The following GHRL variants were observed in gnomAD, a reference collection of about 807,000 sequenced individuals.
The protein encoded by GHRL is ghrelin and obestatin prepropeptide, also known as appetite-regulating hormone.
A neutral mutation model predicts 16.9 loss-of-function variants in GHRL; 24 were observed. That is an observed-to-expected ratio of 1.42 (90% CI 1.03 to 2.00). The LOEUF (loss-of-function observed/expected upper bound fraction) is 2.00, where lower values mean the gene tolerates loss of function less well. GHRL is among the 30% of genes most tolerant of loss of function. The probability of loss-of-function intolerance (pLI) is 0.00; values close to 1 mark genes in which losing one functional copy is unlikely to be tolerated. For missense variants in GHRL, 193 were observed against 142.1 expected (o/e 1.36, Z -1.82); for synonymous variants, 63 against 58.2 (o/e 1.08, Z -0.37).
chr3:10,288,403 A>G (rs949931598), intron 4 of GHRL, among the ~76,000 whole-genome samples: 3 of 152,186 alleles, frequency 2.0e-5, no homozygotes, highest in African/African-American at 7.2e-5. Context: ...AGTGTGGGTC[A>G]CATGCTCCAA....
chr3:10,291,550 A>G (rs1700023020), intron 1 of GHRL, 99 bp from the exon 2 acceptor site: 1 of 802,352 alleles, frequency 1.2e-6, no homozygotes, highest in Non-Finnish European at 1.5e-6. Flanking sequence ...AGAGTCTTTG[A>G]GGGTGAAATG....
chr3:10,290,579 C>G (rs956678561), intron 2 of GHRL, 137 bp downstream of exon 2: 2 of 306,012 alleles, frequency 6.5e-6, no homozygotes, highest in African/African-American at 4.3e-5. Context: ...AAATGAAGCT[C>G]TGTCTTCCAG....
chr3:10,287,609 C>G (rs1166732820), intron 4 of GHRL: 1 of 153,802 alleles, frequency 6.5e-6, no homozygotes, highest in African/African-American at 2.4e-5. Flanking sequence ...AGGGAAGGAT[C>G]TTAGTGCTGG....
In GHRL at chr3:10,291,094, T is replaced by C. The variant is rs2125219433; in HGVS notation, c.-408A>G. ...CCTTTCTCCCTGGGTAAAATGAGGC[T>C]GTCATCACTAGGAGAGCTCTGAGAC... On this transcript the variant is annotated 5_prime_UTR_variant, in exon 2 of 6. Transcript: ENST00000335542. 6.1e-6 allele frequency: 6 copies of C among 985,672 alleles called. No individual in the cohort carries two copies. Among genetic ancestry groups the C allele is most frequent in the Non-Finnish European group, 7.2e-6 (6 of 830,114 alleles). The allele number at this position is 985,672 out of a possible 1,614,324, so 61.1% of individuals were successfully genotyped here.
At position 10,291,098 on chromosome 3, in the gene GHRL, A is replaced by G. The variant is rs1699938324; in HGVS notation, c.-412T>C. 3.0e-6 allele frequency: 3 copies of G among 985,634 alleles called. No homozygotes were observed. Among genetic ancestry groups the G allele is most frequent in the Non-Finnish European group, 2.4e-6 (2 of 830,116 alleles). The allele number at this position is 985,634 out of a possible 1,614,324, so 61.1% of individuals were successfully genotyped here. A position where few individuals can be genotyped will look rare whatever the true frequency, so the allele number is the denominator to read the frequency against. On this transcript the variant is annotated 5_prime_UTR_variant, in exon 2 of 6. An upstream start codon of the reference 5' UTR is lost. Transcript: ENST00000335542. ...TCTCCCTGGGTAAAATGAGGCTGTCATCACTAGGAGAGCTCTGAGACCTCC... is the reference window on the plus strand; with the variant it reads ...TCTCCCTGGGTAAAATGAGGCTGTCGTCACTAGGAGAGCTCTGAGACCTCC...
chr3:10,290,440 G>C (rs767339804), intron 2 of GHRL: 2 of 478,390 alleles, frequency 4.2e-6, no homozygotes, highest in Non-Finnish European at 7.6e-6. Flanking sequence ...ATAGGGGCTG[G>C]GGGTCCTCCC....
At chr3:10,287,875 C>T (rs539654329) in intron 4 of GHRL, 2 of 152,952 alleles carry the variant, frequency 1.3e-5, no homozygotes, top group South Asian at 4.2e-4. Flanking sequence ...CCCTTAACTC[C>T]ACCATGAAGG....
chr3:10,289,712 A>T, intron 4 of GHRL, 50 bp downstream of exon 4: 1 of 1,111,356 alleles, frequency 9.0e-7, no homozygotes, highest in East Asian at 2.4e-5. Context: ...CTCTCCCCTG[A>T]CCCCACCCTC....
chr3:10,287,771 A>G (rs1375130620), intron 4 of GHRL, among the ~76,000 whole-genome samples: 3 of 152,156 alleles, frequency 2.0e-5, no homozygotes, highest in African/African-American at 7.2e-5. Flanking sequence ...CCTGTGGGGT[A>G]GGCGCTACCA....
At chr3:10,288,252 G>T (rs1347165463) in intron 4 of GHRL, 2 of 152,216 alleles carry the variant, frequency 1.3e-5, no homozygotes, top group African/African-American at 4.8e-5. Flanking sequence ...GGGGGAGGTA[G>T]AGGGGCCTGA....
intron 2 of GHRL, 142 bp from the exon 3 acceptor site, chr3:10,290,351 C>T (rs1042772512): frequency 2.7e-6 from 2 of 729,044 alleles, no homozygotes; most frequent in South Asian, 1.9e-5. Context: ...CCCGCTTCCA[C>T]CTCCCAAGGT....
chr3:10,287,820 A>C (rs1232186808), intron 4 of GHRL: 1 of 153,524 alleles, frequency 6.5e-6, no homozygotes, highest in African/African-American at 2.4e-5. Context: ...GGCGCAGAGA[A>C]GCTATTAACC....
chr3:10,287,961 C>T (rs920316119), intron 4 of GHRL: 1 of 139,404 alleles, frequency 7.2e-6, no homozygotes, highest in African/African-American at 2.7e-5. Flanking sequence ...TGGGGCCTTC[C>T]ATTCCCTCCA....
intron 1 of GHRL, 51 bp downstream of exon 1, chr3:10,292,791 A>T (rs1700177726): frequency 1.8e-6 from 2 of 1,131,532 alleles, no homozygotes; most frequent in African/African-American, 3.2e-5. Flanking sequence ...AAACAGAAAA[A>T]TCCTAACTGT....
At chr3:10,291,559 T>C (rs1288490161) in intron 1 of GHRL, 108 bp from the exon 2 acceptor site, 1 of 694,964 alleles carries the variant, frequency 1.4e-6, no homozygotes, top group African/African-American at 1.9e-5. Flanking sequence ...GAGGGTGAAA[T>C]GAGGCGATGG....
At position 10,286,699 on chromosome 3, in the gene GHRL, C is replaced by G. The variant is rs1011665265; in HGVS notation, c.334+5G>C. 2 of 1,523,188 alleles carry G rather than the reference C, an allele frequency of 1.3e-6. No individual in the cohort carries two copies. The highest frequency in any genetic ancestry group is 2.2e-5 in the South Asian group (2 of 89,280). The allele number at this position is 1,523,188 out of a possible 1,614,324, so 94.4% of individuals were successfully genotyped here. ...CCGAGCAAACCCAGTCCAGGCAGGA[C>G]TCACCTTTGGCCTCTTCCCAGAGGA... On this transcript the variant is annotated splice_donor_5th_base_variant and intron_variant, in intron 5 of 5. Transcript: ENST00000335542.
chr3:10,292,857 C>G lies in GHRL; in HGVS notation c.-781G>C. 1 of 1,546,224 alleles carries G rather than the reference C, an allele frequency of 6.5e-7. No homozygotes were observed. The highest frequency in any genetic ancestry group is 8.8e-7 in the Non-Finnish European group (1 of 1,142,758). The stretch of plus-strand genomic sequence containing the variant: ...CTCCACTTACCTGGACCCTGGAGGC[C>G]TCTCCGGGCACAGCTGCCAATGTTG... On this transcript the variant is annotated 5_prime_UTR_variant, in exon 1 of 6. Coordinates refer to ENST00000335542, the MANE Select transcript of GHRL (RefSeq NM_016362.5).
chr3:10,292,298 C>A (rs1219359714), intron 1 of GHRL: 1 of 153,268 alleles, frequency 6.5e-6, no homozygotes, highest in Non-Finnish European at 1.5e-5. Flanking sequence ...TGCCATCTGG[C>A]TCCATAATGA....
At chr3:10,288,395 T>C (rs1266194929) in intron 4 of GHRL, among the ~76,000 whole-genome samples, 1 of 152,174 alleles carries the variant, frequency 6.6e-6, no homozygotes, top group East Asian at 1.9e-4. Flanking sequence ...GCCAAGGCAG[T>C]GTGGGTCACA....
Sources: gnomAD v4.1 joint callset for allele counts (sites outside exome capture counted in the v4.1 genomes callset) on GRCh38, gnomAD v4.1.1 for gene constraint, MANE v1.5 for transcripts, NCBI Gene and HGNC (gene_info 2026-07-23, HGNC 2026-07-21) for gene names.